The following KTN1 variants were observed in gnomAD, a reference collection of about 807,000 sequenced individuals.
KTN1 encodes kinectin.
KTN1 carries 130 observed loss-of-function variants against 222.5 expected under a neutral mutation model. The ratio of observed to expected loss-of-function variants is 0.58; its 90% CI spans 0.51 to 0.68. The LOEUF (loss-of-function observed/expected upper bound fraction) is 0.68, where lower values mean the gene tolerates loss of function less well. Among genes scored for constraint, KTN1 ranks in the 30% least tolerant of loss-of-function variants. The pLI, the probability that KTN1 is intolerant of heterozygous loss-of-function variation, is 0.00. For synonymous variants in KTN1, 512 were observed against 496.3 expected, an observed-to-expected ratio of 1.03 and a Z score of -0.42; for missense variants, 1,508 against 1,500.4, an observed-to-expected ratio of 1.01 and a Z score of -0.08.
intron 30 of KTN1, 39 bp downstream of exon 30, chr14:55,658,653 C>CA: frequency 4.8e-6 from 6 of 1,259,640 alleles, no homozygotes; most frequent in South Asian, 2.6e-5. Flanking sequence ...ACTTACGTGG[C>CA]AAAAAAATTA....
In KTN1 at chr14:55,627,619, C is replaced by T. The variant is rs549567477; in HGVS notation, c.964-293C>T. ...ATCCCTCCCCTATTCCCCCACGCCC[C>T]GACAGGCATGTTGCCCTTCCTGTGT... On this transcript the variant is annotated intron_variant, in intron 5 of 43. Transcript: ENST00000395314. Among the ~76,000 whole-genome samples, 8 of 152,170 alleles carry T rather than the reference C, an allele frequency of 5.3e-5. No individual in the cohort carries two copies. In the South Asian group the frequency reaches 1.5e-3, roughly 28 times the overall value.
At position 55,671,781 on chromosome 14, in the gene KTN1, G is replaced by C. The variant is rs770701375; in HGVS notation, c.3439-4G>C. Reference sequence around the variant, plus strand: ...TTTCAAAACAACTATGCTTTTGTCTGTAGGAAGGAATTTTACAGAAGCTAC... The same window carrying C: ...TTTCAAAACAACTATGCTTTTGTCTCTAGGAAGGAATTTTACAGAAGCTAC... On this transcript the variant is annotated splice_polypyrimidine_tract_variant and splice_region_variant and intron_variant, in intron 36 of 43. Transcript: ENST00000395314. The C allele has an allele frequency of 6.2e-7, 1 of 1,603,930 alleles. No individual in the cohort carries two copies. Among genetic ancestry groups the C allele is most frequent in the Non-Finnish European group, 8.5e-7 (1 of 1,171,284 alleles).
At chr14:55,609,613 C>T (rs2037250789) in intron 1 of KTN1, among the ~76,000 whole-genome samples, 1 of 152,160 alleles carries the variant, frequency 6.6e-6, no homozygotes, top group African/African-American at 2.4e-5. Flanking sequence ...ACATTTGCTA[C>T]TTTTTCTTTC....
intron 41 of KTN1, among the ~76,000 whole-genome samples, chr14:55,676,959 C>T (rs1345484880): frequency 2.6e-5 from 4 of 152,008 alleles, no homozygotes; most frequent in African/African-American, 9.7e-5. Flanking sequence ...TAATTTTTGA[C>T]CTCTGGATCA....
chr14:55,605,491 C>T (rs2036595493), intron 1 of KTN1, among the ~76,000 whole-genome samples: 1 of 152,106 alleles, frequency 6.6e-6, no homozygotes, highest in Admixed American at 6.5e-5. Flanking sequence ...AGAGGTTATG[C>T]ATTTGTTTCT....
Position 55,612,572 on chromosome 14 carries a change from G to T in KTN1, c.523+1G>T. 6.4e-7 allele frequency: 1 copy of T among 1,572,534 alleles called. No individual in the cohort carries two copies. The highest frequency in any genetic ancestry group is 8.6e-7 in the Non-Finnish European group (1 of 1,167,108). Reference sequence around the variant, plus strand: ...CAGAAGAAGTCTAAAAATGGAAGCGGTATTGTAATCTATTTAATCTATTTA... The same window carrying T: ...CAGAAGAAGTCTAAAAATGGAAGCGTTATTGTAATCTATTTAATCTATTTA... On this transcript the variant is annotated splice_donor_variant, in intron 2 of 43. Coordinates refer to ENST00000395314, the MANE Select transcript of KTN1 (RefSeq NM_001079521.2). LOFTEE classifies it high-confidence loss of function.
chr14:55,622,466 A>T (rs1474816738), intron 5 of KTN1, among the ~76,000 whole-genome samples: 1 of 152,214 alleles, frequency 6.6e-6, no homozygotes, highest in Non-Finnish European at 1.5e-5. Flanking sequence ...TATTCACTAT[A>T]ATATCATATG....
At position 55,634,178 on chromosome 14, in the gene KTN1, C is replaced by A. The variant is rs538911696; in HGVS notation, c.1329-348C>A. Among the ~76,000 whole-genome samples the A allele has an allele frequency of 9.6e-4, 146 of 152,112 alleles. No homozygotes were observed. In the Middle Eastern group the frequency reaches 0.01, roughly 11 times the overall value. On this transcript the variant is annotated intron_variant, in intron 8 of 43. Transcript: ENST00000395314. ...CTTGTGATAGTGATTGGCTCTGAGG[C>A]CATACTTTGAGAAATAGTACCTTAG...
At chr14:55,637,425 T>C (rs2041266741) in intron 11 of KTN1, 61 bp downstream of exon 11, 1 of 1,180,494 alleles carries the variant, frequency 8.5e-7, no homozygotes, top group Non-Finnish European at 1.2e-6. Context: ...TAGATCTGTG[T>C]GTCTAGAAGA....
intron 20 of KTN1, 73 bp downstream of exon 20, chr14:55,648,188 A>AT (rs2042587678): frequency 2.7e-6 from 2 of 732,318 alleles, no homozygotes; most frequent in Non-Finnish European, 4.5e-6. Context: ...TAATTTGTGT[A>AT]AGGTTTTTCC....
At chr14:55,596,707 C>T (rs1401247933) in intron 1 of KTN1, among the ~76,000 whole-genome samples, 4 of 152,138 alleles carry the variant, frequency 2.6e-5, no homozygotes, top group South Asian at 2.1e-4. Flanking sequence ...TTTTTCTTGG[C>T]GTTAGCTCCC....
chr14:55,661,071 G>T (rs1260623466), intron 31 of KTN1, among the ~76,000 whole-genome samples: 1 of 152,152 alleles, frequency 6.6e-6, no homozygotes, highest in Admixed American at 6.5e-5. Flanking sequence ...GGAAAACACT[G>T]AGCTCATTTT....
chr14:55,679,714 T>G (rs766900323), intron 43 of KTN1, 29 bp downstream of exon 43: 1 of 1,606,348 alleles, frequency 6.2e-7, no homozygotes, highest in East Asian at 2.2e-5. Flanking sequence ...TTGCTGTCTA[T>G]GGGTAATTGA....
At chr14:55,625,652 T>C (rs748109136) in intron 5 of KTN1, among the ~76,000 whole-genome samples, 1 of 152,172 alleles carries the variant, frequency 6.6e-6, no homozygotes, top group Non-Finnish European at 1.5e-5. Flanking sequence ...GCTGAAGTTG[T>C]TTTTCCTGGG....
At chr14:55,628,934 C>G (rs925277247) in intron 6 of KTN1, among the ~76,000 whole-genome samples, 6 of 152,128 alleles carry the variant, frequency 3.9e-5, no homozygotes, top group Admixed American at 3.3e-4. Flanking sequence ...AATGAACAAA[C>G]TCAGGCAGCC....
intron 1 of KTN1, among the ~76,000 whole-genome samples, chr14:55,589,054 G>A (rs2033599502): frequency 6.6e-6 from 1 of 152,052 alleles, no homozygotes; most frequent in African/African-American, 2.4e-5. Flanking sequence ...TTCAAGATTA[G>A]CCTTGGAATT....
At chr14:55,678,159 T>G (rs1020024189) in intron 41 of KTN1, among the ~76,000 whole-genome samples, 193 bp from the exon 42 acceptor site, 6 of 152,248 alleles carry the variant, frequency 3.9e-5, no homozygotes, top group African/African-American at 1.2e-4. Context: ...TCTGCATTAC[T>G]TAAGCTTTTA....
At position 55,671,605 on chromosome 14, in the gene KTN1, A is replaced by T; in HGVS notation, c.3388A>T (p.Thr1130Ser). The T allele has an allele frequency of 6.2e-7, 1 of 1,612,986 alleles. No individual in the cohort carries two copies. The highest frequency in any genetic ancestry group is 1.1e-5 in the South Asian group (1 of 90,738). Residue 1130 changes from threonine (T) to serine (S), a missense_variant, in exon 36 of 44, where the codon ACA (threonine) becomes TCA (serine). Thr to Ser is a moderately conservative substitution (Grantham distance 58, BLOSUM62 1). Coordinates refer to ENST00000395314, the MANE Select transcript of KTN1 (RefSeq NM_001079521.2). ...HKLKEADEMH[T>S]LLQLECEKYK... ...GTTGAAAGAAGCTGATGAAATGCAC[A>T]CATTGTTACAGCTAGAGTGTGAAAA...
rs920503687 is a variant in KTN1, at chr14:55,590,581, T to A, written c.-31+10227T>A. The stretch of plus-strand genomic sequence containing the variant: ...TTTGCCAGATCTAGTTGTATCCCTA[T>A]TTTGTTGTTTTGTTGGTTTTTGAAC... On this transcript the variant is annotated intron_variant, in intron 1 of 43. Coordinates refer to ENST00000395314, the MANE Select transcript of KTN1 (RefSeq NM_001079521.2). Among the ~76,000 whole-genome samples the A allele has an allele frequency of 1.2e-4, 18 of 152,282 alleles. No homozygotes were observed. In the South Asian group the frequency reaches 3.7e-3, roughly 32 times the overall value.
Sources: allele counts gnomAD v4.1 joint callset (sites outside exome capture counted in the v4.1 genomes callset), GRCh38; gene constraint gnomAD v4.1.1; transcripts MANE v1.5; gene names NCBI Gene and HGNC (gene_info 2026-07-23, HGNC 2026-07-21).